Variants in ZMYND8 observed in about 807,000 individuals in gnomAD.
ZMYND8 encodes the protein MYND-type zinc finger-containing chromatin reader ZMYND8.
A neutral mutation model predicts 140.8 loss-of-function variants in ZMYND8; 37 were observed. That is an observed-to-expected ratio of 0.26 (90% CI 0.20 to 0.35). ZMYND8 has a LOEUF of 0.35. Among genes scored for constraint, ZMYND8 ranks in the 10% least tolerant of loss-of-function variants. The pLI is 1.00. For missense variants in ZMYND8, 1,068 were observed against 1,570.0 expected, an observed-to-expected ratio of 0.68 and a Z score of 5.40; for synonymous variants, 592 against 597.1, an observed-to-expected ratio of 0.99 and a Z score of 0.12.
chr20:47,264,705 C>T (rs2075383085), intron 11 of ZMYND8, among the ~76,000 whole-genome samples: 1 of 152,204 alleles, frequency 6.6e-6, no homozygotes, highest in Non-Finnish European at 1.5e-5. Flanking sequence ...ATCACTGGTA[C>T]TGTAAGACAT....
At chr20:47,356,363 CTTCT>C in intron 1 of ZMYND8, 2 of 1,447,486 alleles carry the variant, frequency 1.4e-6, no homozygotes, top group Non-Finnish European at 1.8e-6. Flanking sequence ...AAAAAAAAAG[CTTCT>C]TTTTTGGCAT....
intron 19 of ZMYND8, among the ~76,000 whole-genome samples, chr20:47,222,624 GGAC>G (rs1351186344): frequency 6.6e-6 from 1 of 152,160 alleles, no homozygotes; most frequent in Non-Finnish European, 1.5e-5. Flanking sequence ...GAAAGCCGAA[GGAC>G]ATTTTGGCCA....
chr20:47,347,932 A>G lies in ZMYND8; in HGVS notation c.15-6T>C. On this transcript the variant is annotated splice_region_variant and splice_polypyrimidine_tract_variant and intron_variant, in intron 1 of 22. Coordinates refer to ENST00000471951, the MANE Select transcript of ZMYND8 (RefSeq NM_001281775.3). ...TTATTTCCTCTTCAGCCAAGCTGAA[A>G]CAGAGCAAATTATGTTCATGTTTAG... 6.2e-7 allele frequency: 1 copy of G among 1,613,708 alleles called. No individual in the cohort carries two copies. The highest frequency in any genetic ancestry group is 8.5e-7 in the Non-Finnish European group (1 of 1,179,958).
At position 47,212,651 on chromosome 20, in the gene ZMYND8, C is replaced by CG; in HGVS notation, c.3558dup (p.Ala1187ArgfsTer9). 1 of 1,613,788 alleles carries CG rather than the reference C, an allele frequency of 6.2e-7. No homozygotes were observed. Among genetic ancestry groups the CG allele is most frequent in the Non-Finnish European group, 8.5e-7 (1 of 1,179,834 alleles). Reference sequence around the variant, plus strand: ...ACAGGTTCATACTTACACTTCTGGGCGGGGTAGTTGGGGTGCGGCTGGTGG... The same window carrying CG: ...ACAGGTTCATACTTACACTTCTGGGCGGGGGTAGTTGGGGTGCGGCTGGTGG... On this transcript the variant is annotated frameshift_variant, in exon 22 of 23. Coordinates refer to ENST00000471951, the MANE Select transcript of ZMYND8 (RefSeq NM_001281775.3). LOFTEE classifies it high-confidence loss of function.
chr20:47,332,120 G>A (rs547420937), intron 2 of ZMYND8, among the ~76,000 whole-genome samples: 1 of 152,270 alleles, frequency 6.6e-6, no homozygotes, highest in Admixed American at 6.5e-5. Context: ...AGACCAGCCT[G>A]ACCAACATGG....
At position 47,246,471 on chromosome 20, in the gene ZMYND8, G is replaced by T; in HGVS notation, c.1821C>A (p.Ser607Arg). The change falls in exon 14 of 23, where the codon AGC becomes AGA. Residue 607 changes from serine (S) to arginine (R), a missense_variant. Ser to Arg is a moderately radical substitution (Grantham distance 110). Transcript: ENST00000471951. ...SEDVYTAVEHSDSEDSEKSDS... is the reference protein window; with the variant it reads ...SEDVYTAVEHRDSEDSEKSDS... The stretch of plus-strand genomic sequence containing the variant: ...CTGACTTCTCAGAATCCTCCGAATC[G>T]CTGTGCTCTACGGCCGTATAGACAT... 1 of 1,613,106 alleles carries T rather than the reference G, an allele frequency of 6.2e-7. No individual in the cohort carries two copies. The highest frequency in any genetic ancestry group is 8.5e-7 in the Non-Finnish European group (1 of 1,179,956).
intron 12 of ZMYND8, among the ~76,000 whole-genome samples, chr20:47,256,545 A>T (rs1191176095): frequency 6.6e-6 from 1 of 152,196 alleles, no homozygotes; most frequent in Non-Finnish European, 1.5e-5. Context: ...GTGTGAACCC[A>T]GGAGGCGGAG....
chr20:47,312,882 C>G (rs113795447), intron 2 of ZMYND8, among the ~76,000 whole-genome samples: 36 of 152,168 alleles, frequency 2.4e-4, no homozygotes, highest in African/African-American at 8.7e-4. Context: ...GGTCCTCACC[C>G]GACTCTCGCC....
intron 11 of ZMYND8, among the ~76,000 whole-genome samples, chr20:47,265,430 G>C (rs1488364219): frequency 1.2e-5 from 1 of 83,564 alleles, no homozygotes; most frequent in Admixed American, 1.1e-4. Flanking sequence ...GACAGGTCAA[G>C]TTTGTTTGTT....
intron 3 of ZMYND8, among the ~76,000 whole-genome samples, chr20:47,306,756 T>C (rs563752569): frequency 6.6e-6 from 1 of 152,204 alleles, no homozygotes; most frequent in Admixed American, 6.5e-5. Flanking sequence ...TGAGAATAGC[T>C]TTCTTTCTGG....
intron 1 of ZMYND8, among the ~76,000 whole-genome samples, chr20:47,350,504 T>C (rs1047311355): frequency 2.0e-5 from 3 of 151,310 alleles, no homozygotes; most frequent in African/African-American, 7.3e-5. Flanking sequence ...ACTAGTATGT[T>C]ATTAGGAAAA....
At chr20:47,327,694 C>T (rs1486183989) in intron 2 of ZMYND8, among the ~76,000 whole-genome samples, 1 of 152,100 alleles carries the variant, frequency 6.6e-6, no homozygotes, top group Non-Finnish European at 1.5e-5. Flanking sequence ...CACATAGGGC[C>T]CCCTATTCCC....
intron 12 of ZMYND8, among the ~76,000 whole-genome samples, chr20:47,258,306 T>C (rs1006574947): frequency 6.6e-6 from 1 of 152,220 alleles, no homozygotes; most frequent in African/African-American, 2.4e-5. Context: ...CAAACCATGG[T>C]TGATCCTTGG....
At chr20:47,282,261 A>G (rs1350694247) in intron 9 of ZMYND8, 44 bp from the exon 10 acceptor site, 3 of 1,550,392 alleles carry the variant, frequency 1.9e-6, no homozygotes, top group Non-Finnish European at 8.9e-7. Context: ...CATATTTGAC[A>G]GCAAGATACT....
At chr20:47,268,214 C>T (rs997544968) in intron 11 of ZMYND8, among the ~76,000 whole-genome samples, 2 of 151,392 alleles carry the variant, frequency 1.3e-5, no homozygotes, top group South Asian at 2.1e-4. Context: ...TCCAACACTT[C>T]GGGAGGCGGA....
intron 11 of ZMYND8, 112 bp downstream of exon 11, chr20:47,276,202 A>G (rs2076246449): frequency 1.5e-6 from 2 of 1,367,510 alleles, no homozygotes; most frequent in Non-Finnish European, 9.5e-7. Context: ...GTGGCCCCCT[A>G]CAGTTCCCCA....
intron 12 of ZMYND8, among the ~76,000 whole-genome samples, chr20:47,255,578 GTGTGTGTGTGTGTGTGTATATATATATA>G (rs1422439219): frequency 0.026 from 1,842 of 72,106 alleles, 58 homozygotes; most frequent in African/African-American, 0.082. Context: ...GTGTGTGTGT[GTGTGTGTGTGTGTGTGTATATATATATA>G]TATACACACC....
chr20:47,299,616 T>G (rs999340224), intron 3 of ZMYND8, among the ~76,000 whole-genome samples: 3 of 152,082 alleles, frequency 2.0e-5, no homozygotes, highest in African/African-American at 7.3e-5. Flanking sequence ...GGAGTCTCGC[T>G]CTGTTGCCCA....
At chr20:47,316,881 C>G (rs2079444972) in intron 2 of ZMYND8, among the ~76,000 whole-genome samples, 1 of 152,004 alleles carries the variant, frequency 6.6e-6, no homozygotes, top group African/African-American at 2.4e-5. Flanking sequence ...TTCCTGTAGT[C>G]CCCACTAAGT....
Sources: allele counts gnomAD v4.1 joint callset (sites outside exome capture counted in the v4.1 genomes callset), GRCh38; gene constraint gnomAD v4.1.1; transcripts MANE v1.5; gene names NCBI Gene and HGNC (gene_info 2026-07-23, HGNC 2026-07-21).